Variants in NALF1 observed in about 807,000 individuals in gnomAD.
NALF1 encodes NALCN channel auxiliary factor 1.
NALF1 carries 3 observed loss-of-function variants against 48.4 expected under a neutral mutation model. The observed-to-expected ratio is 0.06, with a 90% confidence interval of 0.03 to 0.16. NALF1 has a LOEUF of 0.16. Ranked by LOEUF, NALF1 falls within the 10% of genes least tolerant of loss-of-function variation. The pLI is 1.00. For synonymous variants in NALF1, 262 were observed against 245.7 expected (o/e 1.07, Z -0.62); for missense variants, 526 against 571.5 (o/e 0.92, Z 0.81).
At chr13:107,338,949 G>A (rs189525472) in intron 1 of NALF1, among the ~76,000 whole-genome samples, 57 of 151,968 alleles carry the variant, frequency 3.8e-4, no homozygotes, top group Admixed American at 2.1e-3. Context: ...TGGCTAACAC[G>A]GTGAAACCCC....
chr13:107,288,305 C>T (rs1433369090), intron 1 of NALF1, among the ~76,000 whole-genome samples: 5 of 150,030 alleles, frequency 3.3e-5, no homozygotes, highest in Admixed American at 6.6e-5. Context: ...CTGCAAGCTC[C>T]GCCTCCCGGG....
intron 1 of NALF1, among the ~76,000 whole-genome samples, chr13:107,772,194 A>G (rs1877599685): frequency 6.6e-6 from 1 of 151,962 alleles, no homozygotes; most frequent in Non-Finnish European, 1.5e-5. Context: ...AGGAACTCCT[A>G]CTCTGTCTAC....
At position 107,555,894 on chromosome 13, in the gene NALF1, A is replaced by G. The variant is rs888647509; in HGVS notation, c.915+309788T>C. Among the ~76,000 whole-genome samples, 3 of 152,134 alleles carry G rather than the reference A, an allele frequency of 2.0e-5. No homozygotes were observed. In the East Asian group the frequency reaches 5.8e-4, roughly 29 times the overall value. The stretch of plus-strand genomic sequence containing the variant: ...AAATCAATACCCAGCAAAAAAGATA[A>G]TATTTTGAGAATATTGTTGAAATCA... On this transcript the variant is annotated intron_variant, in intron 1 of 2. Coordinates refer to ENST00000375915, the MANE Select transcript of NALF1 (RefSeq NM_001080396.3).
At chr13:107,619,438 G>A (rs1250047251) in intron 1 of NALF1, among the ~76,000 whole-genome samples, 1 of 152,128 alleles carries the variant, frequency 6.6e-6, no homozygotes, top group African/African-American at 2.4e-5. Context: ...TCATTGCCTT[G>A]CAGCATAGCC....
chr13:107,292,108 G>A (rs955464606), intron 1 of NALF1, among the ~76,000 whole-genome samples: 3 of 152,188 alleles, frequency 2.0e-5, no homozygotes, highest in African/African-American at 7.2e-5. Flanking sequence ...ATGGCATACA[G>A]CCCATTGCTC....
intron 1 of NALF1, among the ~76,000 whole-genome samples, chr13:107,405,644 T>C (rs1883886029): frequency 2.6e-5 from 4 of 152,050 alleles, no homozygotes. Flanking sequence ...TAAAAGATCA[T>C]CTTATAAATC....
chr13:107,821,679 A>T (rs2138617891), intron 1 of NALF1, among the ~76,000 whole-genome samples: 1 of 152,344 alleles, frequency 6.6e-6, no homozygotes, highest in East Asian at 1.9e-4. Context: ...AACTAAATGC[A>T]ATGTGGTACT....
intron 1 of NALF1, among the ~76,000 whole-genome samples, chr13:107,751,156 G>C (rs941176865): frequency 7.9e-5 from 12 of 152,212 alleles, no homozygotes. Flanking sequence ...TGTAGGCATA[G>C]GAGGTTTCAG....
At chr13:107,218,814 A>T (rs1186041044) in intron 1 of NALF1, among the ~76,000 whole-genome samples, 1 of 145,696 alleles carries the variant, frequency 6.9e-6, no homozygotes, top group East Asian at 2.1e-4. Flanking sequence ...ATGGAAGGCC[A>T]CAGAGCTTCA....
intron 1 of NALF1, among the ~76,000 whole-genome samples, chr13:107,270,656 T>C (rs982518115): frequency 1.0e-5 from 1 of 97,744 alleles, no homozygotes; most frequent in South Asian, 5.0e-4. Flanking sequence ...GATAGTTATA[T>C]ATATATATAT....
At chr13:107,492,028 C>A (rs1184291216) in intron 1 of NALF1, among the ~76,000 whole-genome samples, 1 of 133,012 alleles carries the variant, frequency 7.5e-6, no homozygotes, top group African/African-American at 2.9e-5. Context: ...ACAAGCCTGT[C>A]TGGGTTTTTT....
At chr13:107,825,547 C>A (rs1042005896) in intron 1 of NALF1, among the ~76,000 whole-genome samples, 4 of 152,176 alleles carry the variant, frequency 2.6e-5, no homozygotes, top group Non-Finnish European at 4.4e-5. Flanking sequence ...TCACAGAGAG[C>A]ATTCGCTCAA....
At chr13:107,238,434 A>G (rs1880397720) in intron 1 of NALF1, among the ~76,000 whole-genome samples, 1 of 152,126 alleles carries the variant, frequency 6.6e-6, no homozygotes, top group Non-Finnish European at 1.5e-5. Context: ...AGGTCAGGTA[A>G]ATGCAGCTCT....
At position 107,217,533 on chromosome 13, in the gene NALF1, A is replaced by ATC. The variant is rs916480715; in HGVS notation, c.916-6780_916-6779dup. On this transcript the variant is annotated intron_variant, in intron 1 of 2. Coordinates refer to ENST00000375915, the MANE Select transcript of NALF1 (RefSeq NM_001080396.3). ...GCCTAAATCTTCATTACCAATGCTGATCTCTCTCTCTCTTTCTCTGTCTCT... is the reference window on the plus strand; with the variant it reads ...GCCTAAATCTTCATTACCAATGCTGATCTCTCTCTCTCTCTTTCTCTGTCTCT... Among the ~76,000 whole-genome samples, 4 of 151,672 alleles carry ATC rather than the reference A, an allele frequency of 2.6e-5. 1 individual carries two copies. Among genetic ancestry groups the ATC allele is most frequent in the African/African-American group, 9.7e-5 (4 of 41,338 alleles).
chr13:107,281,762 T>TA (rs1881392291), intron 1 of NALF1, among the ~76,000 whole-genome samples: 1 of 152,114 alleles, frequency 6.6e-6, no homozygotes, highest in Non-Finnish European at 1.5e-5. Context: ...TCAGGAAACT[T>TA]ACAATCATGG....
chr13:107,500,707 A>G (rs1206453528), intron 1 of NALF1, among the ~76,000 whole-genome samples: 1 of 151,106 alleles, frequency 6.6e-6, no homozygotes, highest in African/African-American at 2.4e-5. Context: ...ACCAACCCAA[A>G]TGGCCAACAA....
At chr13:107,175,178 C>T (rs1343905276) in intron 2 of NALF1, among the ~76,000 whole-genome samples, 4 of 151,860 alleles carry the variant, frequency 2.6e-5, no homozygotes, top group African/African-American at 4.8e-5. Context: ...CGTGAGCCAT[C>T]GCGCCCGGCC....
At chr13:107,340,085 G>A (rs1882639001) in intron 1 of NALF1, among the ~76,000 whole-genome samples, 1 of 151,876 alleles carries the variant, frequency 6.6e-6, no homozygotes, top group South Asian at 2.1e-4. Flanking sequence ...TTTCAAAGAT[G>A]TAGGATTTAT....
rs988379327 is a variant in NALF1, at chr13:107,768,211, G to A, written c.915+97471C>T. Among the ~76,000 whole-genome samples, 8 of 152,106 alleles carry A rather than the reference G, an allele frequency of 5.3e-5. No individual in the cohort carries two copies. In the South Asian group the frequency reaches 6.2e-4, roughly 12 times the overall value. The stretch of plus-strand genomic sequence containing the variant: ...ATGAAATGAGACAATACATGCACAA[G>A]GCTTTGAGCAGTATCTGGCACAAAA... On this transcript the variant is annotated intron_variant, in intron 1 of 2. Coordinates refer to ENST00000375915, the MANE Select transcript of NALF1 (RefSeq NM_001080396.3).
Sources: gnomAD v4.1 joint callset for allele counts (sites outside exome capture counted in the v4.1 genomes callset) on GRCh38, gnomAD v4.1.1 for gene constraint, MANE v1.5 for transcripts, NCBI Gene and HGNC (gene_info 2026-07-23, HGNC 2026-07-21) for gene names.